The following BMP8B variants were observed in gnomAD, a reference collection of about 807,000 sequenced individuals.
The protein encoded by BMP8B is bone morphogenetic protein 8b.
Under a neutral mutation model 30.3 loss-of-function variants are expected in BMP8B, and 17 were observed. The ratio of observed to expected loss-of-function variants is 0.56; its 90% CI spans 0.38 to 0.84. The LOEUF (loss-of-function observed/expected upper bound fraction) is 0.84. Ranked by LOEUF, BMP8B falls within the 40% of genes least tolerant of loss-of-function variation. The pLI is 0.00. For synonymous variants in BMP8B, 131 were observed against 214.7 expected, an observed-to-expected ratio of 0.61 and a Z score of 3.41; for missense variants, 253 against 494.6, an observed-to-expected ratio of 0.51 and a Z score of 4.63.
chr1:39,783,668 G>A (rs1258802241), intron 1 of BMP8B, among the ~76,000 whole-genome samples: 2 of 152,244 alleles, frequency 1.3e-5, no homozygotes, highest in Non-Finnish European at 2.9e-5. Context: ...AGCACTTTGG[G>A]AGGCTGAGGC....
chr1:39,776,987 T>C (rs1650279135), intron 1 of BMP8B, among the ~76,000 whole-genome samples: 1 of 152,234 alleles, frequency 6.6e-6, no homozygotes, highest in Non-Finnish European at 1.5e-5. Context: ...GAAAAGGTTA[T>C]GGGCTCAAGA....
Position 39,788,489 on chromosome 1 carries a change from AG to A in BMP8B, c.-5del. 2.0e-6 allele frequency: 2 copies of A among 1,014,184 alleles called. No individual in the cohort carries two copies. Among genetic ancestry groups the A allele is most frequent in the Non-Finnish European group, 2.4e-6 (2 of 850,554 alleles). 62.8% of individuals were successfully genotyped at this position (1,014,184 alleles called of 1,614,324 possible). A position where few individuals can be genotyped will look rare whatever the true frequency, so the allele number is the denominator to read the frequency against. The stretch of plus-strand genomic sequence containing the variant: ...GCGGGCCGGGGAGCGCGGTCATGGC[AG>A]GCCGGGGGCGCTCAGCTGGGGCGCT... On this transcript the variant is annotated 5_prime_UTR_variant, in exon 1 of 7. Transcript: ENST00000372827. This position sits in a 1 kb window ranked among gnomAD's most constrained non-coding sequence, Gnocchi z 5.8.
At chr1:39,781,796 G>T (rs975189696) in intron 1 of BMP8B, among the ~76,000 whole-genome samples, 20 of 152,202 alleles carry the variant, frequency 1.3e-4, no homozygotes, top group African/African-American at 4.6e-4. Flanking sequence ...TAGACCAGCT[G>T]TTGGATGGTG....
At chr1:39,778,615 G>A (rs1359125212) in intron 1 of BMP8B, among the ~76,000 whole-genome samples, 2 of 152,094 alleles carry the variant, frequency 1.3e-5, no homozygotes, top group East Asian at 3.8e-4. Context: ...AAATGGTGCT[G>A]CTCTCATAAT....
chr1:39,769,801 C>T (rs1482871027), intron 3 of BMP8B: 1 of 1,613,580 alleles, frequency 6.2e-7, no homozygotes, highest in African/African-American at 1.3e-5. Flanking sequence ...CCTCCCAGAG[C>T]TCCCTCAGCG....
In BMP8B at chr1:39,788,317, G is replaced by C; in HGVS notation, c.169C>G (p.Arg57Gly). ...GCGGGTGGCGCGCGGGGCCGGGGCC[G>C]CCCAGGCAGCCCGAGCACCGCCAGG... ...EILAVLGLPG[R>G]PRPRAPPAAS... is the part of the protein sequence containing the mutation. Residue 57 changes from arginine (R) to glycine (G), a missense_variant, in exon 1 of 7, where the codon CGG (arginine) becomes GGG (glycine). By Grantham distance (125) the Arg-to-Gly change is moderately radical. This residue lies in a region of BMP8B where 54 missense variants were observed against 70.8 expected (regional missense o/e 0.76). Coordinates refer to ENST00000372827, the MANE Select transcript of BMP8B (RefSeq NM_001720.5). This position sits in a 1 kb window ranked among gnomAD's most constrained non-coding sequence, Gnocchi z 5.8. 2 of 1,235,134 alleles carry C rather than the reference G, an allele frequency of 1.6e-6. No homozygotes were observed. The highest frequency in any genetic ancestry group is 2.0e-6 in the Non-Finnish European group (2 of 994,070). The allele number at this position is 1,235,134 out of a possible 1,614,324, so 76.5% of individuals were successfully genotyped here.
chr1:39,762,002 C>T (rs755637119), intron 6 of BMP8B, among the ~76,000 whole-genome samples: 4 of 152,230 alleles, frequency 2.6e-5, no homozygotes, highest in African/African-American at 9.6e-5. Context: ...CACCTTCCCG[C>T]GTGCCTCCCA....
intron 1 of BMP8B, among the ~76,000 whole-genome samples, chr1:39,785,408 C>A (rs1246181520): frequency 2.0e-5 from 3 of 151,300 alleles, no homozygotes; most frequent in African/African-American, 7.3e-5. Flanking sequence ...CGGCTCTGAC[C>A]CCAGCCCTGG....
rs749209259 is a variant in BMP8B, at chr1:39,762,514, A to C, written c.1059+578T>G. The C allele has an allele frequency of 3.9e-6, 6 of 1,549,372 alleles. No homozygotes were observed. The South Asian group carries it at 4.8e-5, about 12-fold the overall frequency. ...CATCAGAAACCTGCTTTTGTCCTTT[A>C]AGGTTGCCCCAGATACCAAGGCATC... On this transcript the variant is annotated intron_variant, in intron 6 of 6. Coordinates refer to ENST00000372827, the MANE Select transcript of BMP8B (RefSeq NM_001720.5).
intron 6 of BMP8B, among the ~76,000 whole-genome samples, chr1:39,761,566 AG>A (rs1557468975): frequency 1.3e-5 from 2 of 151,972 alleles, no homozygotes; most frequent in Non-Finnish European, 2.9e-5. Flanking sequence ...TCAGACCCCC[AG>A]GCCCTAGGGG....
intron 1 of BMP8B, among the ~76,000 whole-genome samples, chr1:39,783,967 T>G (rs75709963): frequency 0.027 from 4,053 of 152,304 alleles, 102 homozygotes; most frequent in East Asian, 0.12. Flanking sequence ...ACGTTCCCAT[T>G]CAACACAGTC....
In BMP8B at chr1:39,788,626, G is replaced by T; in HGVS notation, c.-141C>A. On this transcript the variant is annotated 5_prime_UTR_variant, in exon 1 of 7. Coordinates refer to ENST00000372827, the MANE Select transcript of BMP8B (RefSeq NM_001720.5). This position sits in a 1 kb window ranked among gnomAD's most constrained non-coding sequence, Gnocchi z 5.8. ...GGCGGGGCGGGGCGGGACGGGCGGC[G>T]ACCGCGGCCTCAGCGCGGTCCCTGG... 1 of 794,038 alleles carries T rather than the reference G, an allele frequency of 1.3e-6. No homozygotes were observed. Among genetic ancestry groups the T allele is most frequent in the South Asian group, 5.6e-5 (1 of 17,948 alleles). 49.2% of individuals were successfully genotyped at this position (794,038 alleles called of 1,614,324 possible).
chr1:39,777,202 C>T (rs140654640), intron 1 of BMP8B, among the ~76,000 whole-genome samples: 14 of 152,322 alleles, frequency 9.2e-5, no homozygotes, highest in African/African-American at 2.9e-4. Context: ...GAGAGCAATT[C>T]GTTGGTCACA....
intron 1 of BMP8B, among the ~76,000 whole-genome samples, chr1:39,785,444 A>G (rs1456958125): frequency 6.6e-6 from 1 of 151,974 alleles, no homozygotes; most frequent in Non-Finnish European, 1.5e-5. Flanking sequence ...TCTGAACATC[A>G]GGACGCAGGC....
intron 1 of BMP8B, among the ~76,000 whole-genome samples, chr1:39,777,046 AAAGATT>A (rs1456610905): frequency 6.6e-6 from 1 of 152,242 alleles, no homozygotes; most frequent in Non-Finnish European, 1.5e-5. Context: ...TGAGAAAGAA[AAAGATT>A]AAGATCAGAC....
chr1:39,768,506 G>C (rs1179714646), intron 3 of BMP8B, among the ~76,000 whole-genome samples: 1 of 147,168 alleles, frequency 6.8e-6, no homozygotes, highest in Non-Finnish European at 1.5e-5. Context: ...AGGAGGGGAG[G>C]CTTCAGGGAA....
intron 6 of BMP8B, 138 bp downstream of exon 6, chr1:39,762,953 CG>C (rs1649208107): frequency 7.3e-6 from 8 of 1,090,310 alleles, no homozygotes; most frequent in Non-Finnish European, 1.1e-5. Flanking sequence ...GGGAAGTTAG[CG>C]ACGTTACTGA....
At chr1:39,782,151 CAAAAAAAAA>C (rs58953661) in intron 1 of BMP8B, among the ~76,000 whole-genome samples, 1 of 126,510 alleles carries the variant, frequency 7.9e-6, no homozygotes, top group Non-Finnish European at 1.7e-5. Flanking sequence ...AACTCCATCT[CAAAAAAAAA>C]AAAAACAAAA....
intron 6 of BMP8B, chr1:39,762,334 T>G (rs1345261623): frequency 2.8e-6 from 2 of 712,564 alleles, no homozygotes; most frequent in African/African-American, 3.6e-5. Context: ...CCACCGCACC[T>G]GATCAAGGCA....
Sources: allele counts gnomAD v4.1 joint callset (sites outside exome capture counted in the v4.1 genomes callset), GRCh38; gene constraint gnomAD v4.1.1; regional missense constraint gnomAD v4.1.1; non-coding constraint Gnocchi (gnomAD v3.1); transcripts MANE v1.5; gene names NCBI Gene and HGNC (gene_info 2026-07-23, HGNC 2026-07-21).